The following RSPO2 variants were observed in gnomAD, a reference collection of about 807,000 sequenced individuals.
RSPO2 encodes the protein R-spondin 2, also known as R-spondin-2.
RSPO2 carries 14 observed loss-of-function variants against 30.9 expected under a neutral mutation model. That is an observed-to-expected ratio of 0.45 (90% CI 0.30 to 0.71). The LOEUF (loss-of-function observed/expected upper bound fraction) is 0.71, where lower values mean the gene tolerates loss of function less well. Among genes scored for constraint, RSPO2 ranks in the 30% least tolerant of loss-of-function variants. RSPO2 has a pLI of 0.08. For synonymous variants in RSPO2, 107 were observed against 96.4 expected (o/e 1.11, Z -0.64); for missense variants, 264 against 301.9 (o/e 0.87, Z 0.93).
intron 2 of RSPO2, among the ~76,000 whole-genome samples, chr8:108,007,192 A>AT (rs1005428410): frequency 1.3e-5 from 2 of 151,922 alleles, no homozygotes; most frequent in Non-Finnish European, 2.9e-5. Context: ...TTCCTCCACT[A>AT]TTTTTTGCCT....
intron 2 of RSPO2, among the ~76,000 whole-genome samples, chr8:108,015,051 A>C (rs1312115480): frequency 6.6e-6 from 1 of 152,040 alleles, no homozygotes; most frequent in Non-Finnish European, 1.5e-5. Context: ...CTTGCTACAT[A>C]TTTTCTTTGT....
intron 3 of RSPO2, chr8:107,983,714 G>C: frequency 6.3e-7 from 1 of 1,589,568 alleles, no homozygotes; most frequent in Middle Eastern, 2.3e-4. Flanking sequence ...AACAACTAAA[G>C]GCTGAAAAGG....
intron 2 of RSPO2, among the ~76,000 whole-genome samples, chr8:108,030,431 T>C (rs907567060): frequency 2.0e-5 from 3 of 152,182 alleles, no homozygotes; most frequent in Admixed American, 1.3e-4. Flanking sequence ...GTGGCCATGA[T>C]GGGGCTCCCC....
intron 3 of RSPO2, among the ~76,000 whole-genome samples, chr8:107,981,256 T>C (rs756425933): frequency 6.6e-6 from 1 of 152,112 alleles, no homozygotes; most frequent in Non-Finnish European, 1.5e-5. Context: ...CAGTGGCTCA[T>C]GACTGTAATC....
chr8:108,017,498 G>A (rs1472224390), intron 2 of RSPO2, among the ~76,000 whole-genome samples: 3 of 152,150 alleles, frequency 2.0e-5, no homozygotes, highest in Admixed American at 1.3e-4. Context: ...CTCTTCCATA[G>A]CAGCAATTCA....
At chr8:107,996,847 G>A (rs990778638) in intron 2 of RSPO2, 3 of 430,244 alleles carry the variant, frequency 7.0e-6, no homozygotes, top group Non-Finnish European at 1.4e-5. Flanking sequence ...ATTATTAAAA[G>A]CATTGTTTTA....
rs537109610 is a variant in RSPO2 at position 108,043,656 on chromosome 8, C to T, written c.94+38889G>A. On this transcript the variant is annotated intron_variant, in intron 2 of 5. Transcript: ENST00000276659. ...GTCCTGAGGCATGCCAACATTCTCTCATTCCATGTTTAATTTGAAAGAAAA... is the reference window on the plus strand; with the variant it reads ...GTCCTGAGGCATGCCAACATTCTCTTATTCCATGTTTAATTTGAAAGAAAA... Among the ~76,000 whole-genome samples the T allele has an allele frequency of 5.1e-4, 78 of 151,724 alleles. No homozygotes were observed. The South Asian group carries it at 0.016, about 30-fold the overall frequency.
intron 4 of RSPO2, 97 bp downstream of exon 4, chr8:107,960,577 T>C (rs1409055321): frequency 1.7e-6 from 2 of 1,188,932 alleles, no homozygotes; most frequent in African/African-American, 3.1e-5. Flanking sequence ...GAGAACCAAT[T>C]TGTTTCTTAG....
chr8:107,941,692 C>T (rs1385753001), intron 5 of RSPO2, among the ~76,000 whole-genome samples: 1 of 152,212 alleles, frequency 6.6e-6, no homozygotes, highest in African/African-American at 2.4e-5. Context: ...GTTCTGTTCA[C>T]ACGCAGAAAT....
chr8:107,973,420 G>A (rs924695345), intron 3 of RSPO2, among the ~76,000 whole-genome samples: 2 of 151,772 alleles, frequency 1.3e-5, no homozygotes, highest in African/African-American at 2.4e-5. Context: ...GACCTATATC[G>A]GTCTGCTTTA....
intron 5 of RSPO2, among the ~76,000 whole-genome samples, chr8:107,916,257 G>C (rs994026323): frequency 3.3e-5 from 5 of 152,044 alleles, no homozygotes; most frequent in Non-Finnish European, 7.4e-5. Context: ...GTCATAAACT[G>C]CCTCTGACAT....
At chr8:108,043,284 G>A (rs1159599623) in intron 2 of RSPO2, among the ~76,000 whole-genome samples, 1 of 152,082 alleles carries the variant, frequency 6.6e-6, no homozygotes, top group African/African-American at 2.4e-5. Context: ...TTAATGTTTT[G>A]TCACTTTAAA....
intron 2 of RSPO2, among the ~76,000 whole-genome samples, chr8:108,071,805 C>G (rs1812854934): frequency 1.3e-5 from 2 of 152,168 alleles, no homozygotes; most frequent in Admixed American, 6.5e-5. Context: ...AACATAAGTT[C>G]TTGTAGACGT....
intron 2 of RSPO2, among the ~76,000 whole-genome samples, chr8:108,056,674 A>AAC (rs2130691632): frequency 6.6e-6 from 1 of 151,538 alleles, no homozygotes; most frequent in East Asian, 1.9e-4. Flanking sequence ...AAAGAAAACC[A>AAC]ACACTATGCC....
chr8:107,936,792 G>A (rs1812736216), intron 5 of RSPO2, among the ~76,000 whole-genome samples: 1 of 151,968 alleles, frequency 6.6e-6, no homozygotes, highest in Admixed American at 6.6e-5. Flanking sequence ...TACCTGTTGG[G>A]CATTTCTCTG....
chr8:108,021,489 T>C (rs1811056418), intron 2 of RSPO2, among the ~76,000 whole-genome samples: 1 of 152,168 alleles, frequency 6.6e-6, no homozygotes, highest in Non-Finnish European at 1.5e-5. Flanking sequence ...GTAAACTGAA[T>C]GCCAAACCTC....
chr8:108,064,930 C>T (rs1466420604), intron 2 of RSPO2, among the ~76,000 whole-genome samples: 1 of 151,850 alleles, frequency 6.6e-6, no homozygotes, highest in Non-Finnish European at 1.5e-5. Context: ...GGGACAAAGC[C>T]GAACACCCCA....
chr8:108,027,846 G>A (rs769183950), intron 2 of RSPO2, among the ~76,000 whole-genome samples: 1 of 152,054 alleles, frequency 6.6e-6, no homozygotes, highest in Admixed American at 6.5e-5. Context: ...CCTACTCTAA[G>A]AGTCAATGTA....
intron 5 of RSPO2, among the ~76,000 whole-genome samples, chr8:107,919,593 G>A (rs907298550): frequency 4.6e-5 from 7 of 152,080 alleles, no homozygotes; most frequent in African/African-American, 9.7e-5. Context: ...TGCACTTGAC[G>A]GATTAGCTGG....
Sources: gnomAD v4.1 joint callset for allele counts (sites outside exome capture counted in the v4.1 genomes callset) on GRCh38, gnomAD v4.1.1 for gene constraint, MANE v1.5 for transcripts, NCBI Gene and HGNC (gene_info 2026-07-23, HGNC 2026-07-21) for gene names.